LPL: variants seen among roughly 807,000 people sequenced by gnomAD.
LPL encodes the protein phospholipase A1.
A neutral mutation model predicts 52.2 loss-of-function variants in LPL; 43 were observed. The ratio of observed to expected loss-of-function variants is 0.82; its 90% CI spans 0.64 to 1.06. The LOEUF is 1.06. Ranked by LOEUF, LPL falls within the 50% of genes least tolerant of loss-of-function variation. LPL has a pLI of 0.00. For synonymous variants in LPL, 244 were observed against 215.6 expected, an observed-to-expected ratio of 1.13 and a Z score of -1.15; for missense variants, 639 against 585.3, an observed-to-expected ratio of 1.09 and a Z score of -0.95.
Position 19,961,039 on chromosome 8 carries a change from C to T in LPL, c.1278C>T (p.Phe426=), listed in dbSNP as rs771051928. The T allele has an allele frequency of 1.9e-5, 31 of 1,613,966 alleles. No individual in the cohort carries two copies. The highest frequency in any genetic ancestry group is 5.3e-5 in the African/African-American group (4 of 74,902). Residue 426 remains phenylalanine (F), a synonymous_variant, in exon 8 of 10, where the codon TTC becomes TTT. Transcript: ENST00000650287. ...CAGACTGGTGGAGCAGTCCCGGCTT[C>T]GCCATTCAGAAGATCAGAGTAAAAG... The part of the protein sequence containing the change: ...SWSDWWSSPG[F]AIQKIRVKAG...
At chr8:19,965,284 G>A (rs776343781) in intron 9 of LPL, 26 bp from the exon 10 acceptor site, 19 of 780,474 alleles carry the variant, frequency 2.4e-5, no homozygotes, top group Non-Finnish European at 3.3e-5. Flanking sequence ...ATAATAAATT[G>A]CCCTTTTTCC....
At position 19,949,073 on chromosome 8, in the gene LPL, T is replaced by A. The variant is rs984227076; in HGVS notation, c.249+733T>A. Among the ~76,000 whole-genome samples, 14 of 152,326 alleles carry A rather than the reference T, an allele frequency of 9.2e-5. No homozygotes were observed. In the East Asian group the frequency reaches 2.7e-3, roughly 29 times the overall value. ...TATGTCACACAGTCACTTTAGATTA[T>A]GTAGTTCTTGCTTAGTTTGTTTTAA... On this transcript the variant is annotated intron_variant, in intron 2 of 9. Coordinates refer to ENST00000650287, the MANE Select transcript of LPL (RefSeq NM_000237.3).
At chr8:19,956,958 G>T (rs1285865205) in intron 6 of LPL, among the ~76,000 whole-genome samples, 1 of 152,102 alleles carries the variant, frequency 6.6e-6, no homozygotes, top group Non-Finnish European at 1.5e-5. Context: ...GGAGTAGCTG[G>T]GATAACAGGC....
rs1477595142 is a variant in LPL, at chr8:19,965,816, C to T, written c.*506C>T. The T allele has an allele frequency of 6.5e-6, 1 of 153,158 alleles. No individual in the cohort carries two copies. The highest frequency in any genetic ancestry group is 1.5e-5 in the Non-Finnish European group (1 of 68,786). The allele number at this position is 153,158 out of a possible 1,614,324, so 9.5% of individuals were successfully genotyped here. A position where few individuals can be genotyped will look rare whatever the true frequency, so the allele number is the denominator to read the frequency against. On this transcript the variant is annotated 3_prime_UTR_variant, in exon 10 of 10. Coordinates refer to ENST00000650287, the MANE Select transcript of LPL (RefSeq NM_000237.3). ...ATGAATGATGTTTTAGAATGATTCCCTCTTGCTATTGGAATGTGGTCCAGA... is the reference window on the plus strand; with the variant it reads ...ATGAATGATGTTTTAGAATGATTCCTTCTTGCTATTGGAATGTGGTCCAGA...
rs1258598379 is a variant in LPL at position 19,939,786 on chromosome 8, C to T, written c.88+258C>T. The stretch of plus-strand genomic sequence containing the variant: ...CCGGGTTCCCGCGCTATCCCTTCCA[C>T]TCTGGCTGGGACCGCGTTCCCGGGC... On this transcript the variant is annotated intron_variant, in intron 1 of 9. Transcript: ENST00000650287. The surrounding 1 kb of genome is among the most constrained non-coding windows in gnomAD (Gnocchi z 4.0). Among the ~76,000 whole-genome samples, 1 of 152,234 alleles carries T rather than the reference C, an allele frequency of 6.6e-6. No homozygotes were observed. The highest frequency in any genetic ancestry group is 1.9e-4 in the East Asian group (1 of 5,178).
At chr8:19,959,990 T>C (rs941375882) in intron 7 of LPL, among the ~76,000 whole-genome samples, 6 of 151,762 alleles carry the variant, frequency 4.0e-5, no homozygotes, top group Non-Finnish European at 8.8e-5. Context: ...GGTCTCACCA[T>C]GTTGGCCAAG....
chr8:19,961,263 G>A (rs950022770), intron 8 of LPL, among the ~76,000 whole-genome samples, 180 bp downstream of exon 8: 3 of 150,270 alleles, frequency 2.0e-5, no homozygotes, highest in Non-Finnish European at 4.4e-5. Flanking sequence ...GGGGGGCAGG[G>A]GGGGGGAAGT....
chr8:19,953,563 A>AG, intron 4 of LPL, 142 bp downstream of exon 4: 1 of 683,506 alleles, frequency 1.5e-6, no homozygotes, highest in Non-Finnish European at 2.7e-6. Context: ...ATCTCATTGT[A>AG]GGGCTCTTTA....
At position 19,967,224 on chromosome 8, in the gene LPL, A is replaced by G. The variant is rs1271277228; in HGVS notation, c.*1914A>G. On this transcript the variant is annotated 3_prime_UTR_variant, in exon 10 of 10. Coordinates refer to ENST00000650287, the MANE Select transcript of LPL (RefSeq NM_000237.3). ...CTTAACTGTGTGAAGAAATGGAATC[A>G]GCTTTTAATAAAATTGACAACATTT... 1 of 152,670 alleles carries G rather than the reference A, an allele frequency of 6.6e-6. No homozygotes were observed. Among genetic ancestry groups the G allele is most frequent in the Non-Finnish European group, 1.5e-5 (1 of 68,042 alleles). 9.5% of individuals were successfully genotyped at this position (152,670 alleles called of 1,614,324 possible).
In LPL at chr8:19,948,125, T is replaced by C. The variant is rs187590934; in HGVS notation, c.89-55T>C. 2.1e-5 allele frequency: 32 copies of C among 1,558,136 alleles called. No individual in the cohort carries two copies. In the East Asian group the frequency reaches 3.1e-4, roughly 15 times the overall value. ...GTGAACCTAAAACATATCATTCCAA[T>C]GAATAAAATCAAGCAACCCTCCAGT... On this transcript the variant is annotated intron_variant, in intron 1 of 9. Coordinates refer to ENST00000650287, the MANE Select transcript of LPL (RefSeq NM_000237.3).
chr8:19,963,005 G>A (rs1275823601), intron 9 of LPL, among the ~76,000 whole-genome samples: 1 of 152,126 alleles, frequency 6.6e-6, no homozygotes, highest in South Asian at 2.1e-4. Flanking sequence ...ATGGGTTACA[G>A]GAACAAAGGG....
Position 19,955,872 on chromosome 8 carries a change from G to A in LPL, c.807G>A (p.Glu269=), listed in dbSNP as rs1209674126. 3 of 1,614,028 alleles carry A rather than the reference G, an allele frequency of 1.9e-6. No individual in the cohort carries two copies. The highest frequency in any genetic ancestry group is 2.7e-5 in the African/African-American group (2 of 74,900). ...DVDQLVKCSH[E]RSIHLFIDSL... Reference sequence around the variant, plus strand: ...ACCAGCTAGTGAAGTGCTCCCACGAGCGCTCCATTCATCTCTTCATCGACT... The same window carrying A: ...ACCAGCTAGTGAAGTGCTCCCACGAACGCTCCATTCATCTCTTCATCGACT... Residue 269 remains glutamate (E), a synonymous_variant, in exon 6 of 10, where the codon GAG becomes GAA. Coordinates refer to ENST00000650287, the MANE Select transcript of LPL (RefSeq NM_000237.3).
rs1590143048 is a variant in LPL, at chr8:19,954,029, T to C, written c.542-91T>C. The C allele has an allele frequency of 3.4e-6, 3 of 871,472 alleles. No individual in the cohort carries two copies. The East Asian group carries it at 7.2e-5, about 21-fold the overall frequency. 54.0% of individuals were successfully genotyped at this position (871,472 alleles called of 1,614,324 possible). A position where few individuals can be genotyped will look rare whatever the true frequency, so the allele number is the denominator to read the frequency against. On this transcript the variant is annotated intron_variant, in intron 4 of 9. Coordinates refer to ENST00000650287, the MANE Select transcript of LPL (RefSeq NM_000237.3). ...AGGAGCTAATAAGAATCTAAATAGC[T>C]GCCAGTGCATTCAAATGATGAGCAG...
At position 19,965,529 on chromosome 8, in the gene LPL, C is replaced by A. The variant is rs2070078035; in HGVS notation, c.*219C>A. On this transcript the variant is annotated 3_prime_UTR_variant, in exon 10 of 10. Coordinates refer to ENST00000650287, the MANE Select transcript of LPL (RefSeq NM_000237.3). The stretch of plus-strand genomic sequence containing the variant: ...TTTATGGGGTATAGTGGCCAAATAG[C>A]ACATCCTCCAACGTTAAAAGACAGT... The A allele has an allele frequency of 1.8e-6, 1 of 546,572 alleles. No individual in the cohort carries two copies. The highest frequency in any genetic ancestry group is 3.3e-6 in the Non-Finnish European group (1 of 306,932). 33.9% of individuals were successfully genotyped at this position (546,572 alleles called of 1,614,324 possible).
At chr8:19,952,946 A>G (rs971783083) in intron 3 of LPL, among the ~76,000 whole-genome samples, 1 of 152,236 alleles carries the variant, frequency 6.6e-6, no homozygotes, top group Non-Finnish European at 1.5e-5. Flanking sequence ...ATATGTGTAT[A>G]TGTTTGTACG....
chr8:19,952,038 G>A (rs1331376891), intron 3 of LPL, 90 bp downstream of exon 3: 1 of 1,436,834 alleles, frequency 7.0e-7, no homozygotes, highest in African/African-American at 1.4e-5. Context: ...TTTTCTCTTA[G>A]ATTTAAATAT....
At chr8:19,954,502 G>A in intron 5 of LPL, 149 bp downstream of exon 5, 1 of 758,650 alleles carries the variant, frequency 1.3e-6, no homozygotes. Flanking sequence ...TGTTCAGCAT[G>A]ACCACCTTAG....
chr8:19,966,570 T>G lies in LPL; in HGVS notation c.*1260T>G, dbSNP rs1410857012. ...TATGAAATGATAAAGATGTCAAATA[T>G]CTCAGAGGCTATAGCTGGGAACCCG... On this transcript the variant is annotated 3_prime_UTR_variant, in exon 10 of 10. Coordinates refer to ENST00000650287, the MANE Select transcript of LPL (RefSeq NM_000237.3). The G allele has an allele frequency of 6.6e-6, 1 of 152,178 alleles. No individual in the cohort carries two copies. The highest frequency in any genetic ancestry group is 2.4e-5 in the African/African-American group (1 of 41,426). The allele number at this position is 152,178 out of a possible 1,614,324, so 9.4% of individuals were successfully genotyped here. A position where few individuals can be genotyped will look rare whatever the true frequency, so the allele number is the denominator to read the frequency against.
At chr8:19,945,907 GAGGAGGTATGAGCTATTTAAGGTGGAA>G (rs1490789905) in intron 1 of LPL, among the ~76,000 whole-genome samples, 1 of 152,232 alleles carries the variant, frequency 6.6e-6, no homozygotes, top group African/African-American at 2.4e-5. Flanking sequence ...GACCTGTGGA[GAGGAGGTATGAGCTATTTAAGGTGGAA>G]AGGTGTGGGA....
Sources: gnomAD v4.1 joint callset for allele counts (sites outside exome capture counted in the v4.1 genomes callset) on GRCh38, gnomAD v4.1.1 for gene constraint, Gnocchi (gnomAD v3.1) non-coding constraint, MANE v1.5 for transcripts, NCBI Gene and HGNC (gene_info 2026-07-23, HGNC 2026-07-21) for gene names.